ADCK1: variants seen among roughly 807,000 people sequenced by gnomAD.
ADCK1 encodes the protein aarF domain-containing protein kinase 1.
ADCK1 carries 41 observed loss-of-function variants against 52.3 expected under a neutral mutation model. That is an observed-to-expected ratio of 0.78 (90% CI 0.61 to 1.02). The LOEUF (loss-of-function observed/expected upper bound fraction) is 1.02, where lower values mean the gene tolerates loss of function less well. ADCK1 is among the 50% of genes least tolerant of loss of function. The pLI, the probability that ADCK1 is intolerant of heterozygous loss-of-function variation, is 0.00. For synonymous variants in ADCK1, 250 were observed against 274.6 expected, an observed-to-expected ratio of 0.91 and a Z score of 0.89; for missense variants, 658 against 679.5, an observed-to-expected ratio of 0.97 and a Z score of 0.35.
At chr14:77,924,274 A>C (rs974649895) in intron 7 of ADCK1, 183 bp from the exon 8 acceptor site, 1 of 718,690 alleles carries the variant, frequency 1.4e-6, no homozygotes, top group Admixed American at 3.1e-5. Flanking sequence ...GGTGCAGCTA[A>C]AGTTAAGAAA....
At chr14:77,822,319 C>T (rs1594877790) in intron 2 of ADCK1, 116 bp from the exon 3 acceptor site, 1 of 787,478 alleles carries the variant, frequency 1.3e-6, no homozygotes, top group Non-Finnish European at 2.2e-6. Context: ...AGGGGTGGGA[C>T]TGGCCACTCC....
intron 7 of ADCK1, among the ~76,000 whole-genome samples, chr14:77,909,268 T>G (rs1372675978): frequency 6.6e-6 from 1 of 151,652 alleles, no homozygotes; most frequent in Non-Finnish European, 1.5e-5. Flanking sequence ...CCCAAGTAGC[T>G]GGGATTACAG....
intron 3 of ADCK1, among the ~76,000 whole-genome samples, chr14:77,844,099 ACT>A (rs1315360933): frequency 1.3e-5 from 2 of 151,326 alleles, no homozygotes; most frequent in African/African-American, 4.9e-5. Context: ...ACAGAGTCTC[ACT>A]CTGTTGCTCA....
intron 4 of ADCK1, among the ~76,000 whole-genome samples, chr14:77,863,241 G>A (rs1481042461): frequency 7.2e-5 from 11 of 152,134 alleles, no homozygotes; most frequent in Admixed American, 7.2e-4. Flanking sequence ...TATACGGAGT[G>A]GGGTGGGGCA....
intron 7 of ADCK1, among the ~76,000 whole-genome samples, chr14:77,914,691 T>C (rs922630297): frequency 6.6e-6 from 1 of 152,256 alleles, no homozygotes; most frequent in African/African-American, 2.4e-5. Flanking sequence ...TTCTCATCTA[T>C]GCAGTTGGAG....
chr14:77,854,820 A>C lies in ADCK1; in HGVS notation c.220-4256A>C, dbSNP rs556615909. Among the ~76,000 whole-genome samples, 3 of 152,160 alleles carry C rather than the reference A, an allele frequency of 2.0e-5. No individual in the cohort carries two copies. The East Asian group carries it at 5.8e-4, about 29-fold the overall frequency. ...GTGATCCACCTGCATTGGCTCCCCA[A>C]AGTGCTGGGATTACAGGCGTCAGCC... On this transcript the variant is annotated intron_variant, in intron 3 of 10. Transcript: ENST00000238561.
chr14:77,896,350 C>T (rs56051443), intron 5 of ADCK1, among the ~76,000 whole-genome samples: 19,881 of 152,236 alleles, frequency 0.13, 1,410 homozygotes, highest in Middle Eastern at 0.23. Flanking sequence ...TGCATATCCA[C>T]GTCTGGCCTA....
intron 6 of ADCK1, among the ~76,000 whole-genome samples, chr14:77,905,059 C>T (rs150877580): frequency 0.01 from 1,553 of 152,144 alleles, 25 homozygotes; most frequent in African/African-American, 0.036. Flanking sequence ...TATGTCTGTC[C>T]AGGGGCACCT....
chr14:77,894,024 C>T (rs990710276), intron 5 of ADCK1, among the ~76,000 whole-genome samples: 3 of 152,168 alleles, frequency 2.0e-5, no homozygotes, highest in Non-Finnish European at 2.9e-5. Flanking sequence ...TGAGCCACCG[C>T]GTCCAGCCTC....
rs376231729 is a variant in ADCK1, at chr14:77,859,302, T to C, written c.423+23T>C. ...GAGGTACCCACCTTTGCAGGGGGGA[T>C]GGGCCTTGGTTGGGATGCTTCAGAA... is the stretch of plus-strand genomic sequence containing the variant. On this transcript the variant is annotated intron_variant, in intron 4 of 10. Coordinates refer to ENST00000238561, the MANE Select transcript of ADCK1 (RefSeq NM_020421.4). 16 of 1,606,392 alleles carry C rather than the reference T, an allele frequency of 1.0e-5. No individual in the cohort carries two copies. In the African/African-American group the frequency reaches 2.0e-4, roughly 20 times the overall value.
At chr14:77,811,491 G>A (rs891842766) in intron 1 of ADCK1, among the ~76,000 whole-genome samples, 8 of 152,082 alleles carry the variant, frequency 5.3e-5, no homozygotes, top group Non-Finnish European at 8.8e-5. Flanking sequence ...CATGATCTCC[G>A]TCAGTACACT....
At chr14:77,925,632 G>C in intron 8 of ADCK1, 132 bp from the exon 9 acceptor site, 3 of 876,526 alleles carry the variant, frequency 3.4e-6, no homozygotes, top group Non-Finnish European at 3.5e-6. Context: ...GCAGAGCTCT[G>C]GGGGAGAAAC....
chr14:77,805,987 C>CTTTTTTTT (rs530925697), intron 1 of ADCK1, among the ~76,000 whole-genome samples: 6 of 87,702 alleles, frequency 6.8e-5, no homozygotes, highest in African/African-American at 2.1e-4. Context: ...ATTCTTACGG[C>CTTTTTTTT]TTTTTTTTTT....
chr14:77,850,235 T>C (rs1443174061), intron 3 of ADCK1, among the ~76,000 whole-genome samples: 1 of 152,240 alleles, frequency 6.6e-6, no homozygotes, highest in Non-Finnish European at 1.5e-5. Context: ...ATATGGTCTC[T>C]CTTGGCAAAT....
intron 3 of ADCK1, among the ~76,000 whole-genome samples, chr14:77,849,727 C>T (rs570877682): frequency 2.2e-4 from 34 of 152,196 alleles, no homozygotes; most frequent in African/African-American, 6.5e-4. Flanking sequence ...GCTAGGATTA[C>T]AGGCATGAGC....
At position 77,878,336 on chromosome 14, in the gene ADCK1, G is replaced by T. The variant is rs554863283; in HGVS notation, c.424-8755G>T. Reference sequence around the variant, plus strand: ...TCTCCTCTAACCTCAAGAGAGGGTTGAGAATTACATACGAGCATTTTGAAG... The same window carrying T: ...TCTCCTCTAACCTCAAGAGAGGGTTTAGAATTACATACGAGCATTTTGAAG... On this transcript the variant is annotated intron_variant, in intron 4 of 10. Coordinates refer to ENST00000238561, the MANE Select transcript of ADCK1 (RefSeq NM_020421.4). Among the ~76,000 whole-genome samples the T allele has an allele frequency of 1.8e-4, 27 of 152,378 alleles. 1 individual carries two copies. In the South Asian group the frequency reaches 4.8e-3, roughly 27 times the overall value.
intron 7 of ADCK1, among the ~76,000 whole-genome samples, chr14:77,916,179 C>T (rs73313161): frequency 6.6e-6 from 1 of 152,250 alleles, no homozygotes; most frequent in African/African-American, 2.4e-5. Flanking sequence ...TGCCAGATGT[C>T]TCTGCTTTTC....
At chr14:77,870,060 T>C (rs1039012430) in intron 4 of ADCK1, among the ~76,000 whole-genome samples, 10 of 152,206 alleles carry the variant, frequency 6.6e-5, no homozygotes, top group Admixed American at 6.5e-4. Context: ...TAGGTATTAG[T>C]GTTGGTGGAT....
intron 4 of ADCK1, among the ~76,000 whole-genome samples, 189 bp from the exon 5 acceptor site, chr14:77,886,902 G>C (rs1384619768): frequency 2.2e-5 from 2 of 90,326 alleles, no homozygotes; most frequent in South Asian, 4.9e-4. Flanking sequence ...GCGGGACTCT[G>C]TCTCAACACA....
Sources: allele counts gnomAD v4.1 joint callset (sites outside exome capture counted in the v4.1 genomes callset), GRCh38; gene constraint gnomAD v4.1.1; transcripts MANE v1.5; gene names NCBI Gene and HGNC (gene_info 2026-07-23, HGNC 2026-07-21).